The following RABGAP1L variants were observed in gnomAD, a reference collection of about 807,000 sequenced individuals.
RABGAP1L encodes the protein RAB GTPase activating protein 1 like.
Under a neutral mutation model 137.7 loss-of-function variants are expected in RABGAP1L, and 63 were observed. The observed-to-expected ratio is 0.46, with a 90% CI of 0.37 to 0.56. The LOEUF is 0.56. RABGAP1L is among the 20% of genes least tolerant of loss of function. The probability of loss-of-function intolerance (pLI) is 0.00; values close to 1 mark genes in which losing one functional copy is unlikely to be tolerated. For missense variants in RABGAP1L, 1,095 were observed against 1,244.0 expected, an observed-to-expected ratio of 0.88 and a Z score of 1.80; for synonymous variants, 431 against 433.7, an observed-to-expected ratio of 0.99 and a Z score of 0.08.
At chr1:174,530,798 CAT>C (rs1664324575) in intron 13 of RABGAP1L, among the ~76,000 whole-genome samples, 1 of 119,146 alleles carries the variant, frequency 8.4e-6, no homozygotes, top group Non-Finnish European at 1.8e-5. Flanking sequence ...TTTATACATA[CAT>C]ACATACATAC....
intron 19 of RABGAP1L, among the ~76,000 whole-genome samples, chr1:174,871,397 G>A (rs1173505483): frequency 6.6e-6 from 1 of 152,144 alleles, no homozygotes; most frequent in African/African-American, 2.4e-5. Context: ...CTCCCAAAGT[G>A]CTGAGATTAC....
chr1:174,231,753 G>A (rs1284133966), intron 4 of RABGAP1L, among the ~76,000 whole-genome samples: 1 of 152,072 alleles, frequency 6.6e-6, no homozygotes, highest in Non-Finnish European at 1.5e-5. Flanking sequence ...GCAGGAGCAG[G>A]AGCAAGAGCG....
At chr1:174,864,977 T>A (rs1457880908) in intron 19 of RABGAP1L, among the ~76,000 whole-genome samples, 1 of 151,972 alleles carries the variant, frequency 6.6e-6, no homozygotes, top group African/African-American at 2.4e-5. Flanking sequence ...ATTAGCTGGA[T>A]GTGGTGGCAC....
At chr1:174,706,646 C>T (rs1045751613) in intron 17 of RABGAP1L, among the ~76,000 whole-genome samples, 1 of 152,050 alleles carries the variant, frequency 6.6e-6, no homozygotes, top group African/African-American at 2.4e-5. Context: ...AAAAAATGGA[C>T]ATAACGAAGT....
At chr1:174,449,615 T>C (rs1363023671) in intron 13 of RABGAP1L, among the ~76,000 whole-genome samples, 6 of 152,232 alleles carry the variant, frequency 3.9e-5, no homozygotes, top group African/African-American at 1.4e-4. Flanking sequence ...CTGCCCTTTG[T>C]AGAAAAGTGC....
chr1:174,731,291 G>A (rs572131190), intron 17 of RABGAP1L, among the ~76,000 whole-genome samples: 10 of 152,210 alleles, frequency 6.6e-5, no homozygotes, highest in African/African-American at 2.4e-4. Context: ...ATTTTATCTG[G>A]TGTAGCCCAG....
At chr1:174,870,827 T>A (rs985720604) in intron 19 of RABGAP1L, among the ~76,000 whole-genome samples, 1 of 151,692 alleles carries the variant, frequency 6.6e-6, no homozygotes, top group Non-Finnish European at 1.5e-5. Flanking sequence ...AAGCTCCACC[T>A]TCCAGGCTCA....
chr1:174,673,746 A>T (rs542749748), intron 14 of RABGAP1L, among the ~76,000 whole-genome samples: 1 of 152,198 alleles, frequency 6.6e-6, no homozygotes, highest in Admixed American at 6.5e-5. Context: ...TAAAAGATGC[A>T]TATGTGGTAC....
At chr1:174,755,910 T>C (rs1264778118) in intron 18 of RABGAP1L, among the ~76,000 whole-genome samples, 1 of 152,222 alleles carries the variant, frequency 6.6e-6, no homozygotes, top group African/African-American at 2.4e-5. Context: ...CATGTGGACA[T>C]TGGAGTCAGA....
At chr1:174,415,738 A>C (rs1650473952) in intron 13 of RABGAP1L, among the ~76,000 whole-genome samples, 1 of 151,996 alleles carries the variant, frequency 6.6e-6, no homozygotes, top group South Asian at 2.1e-4. Context: ...AGATATTCTA[A>C]GTAAGGCTCC....
intron 11 of RABGAP1L, among the ~76,000 whole-genome samples, chr1:174,315,957 A>G (rs550172154): frequency 4.0e-5 from 6 of 151,844 alleles, no homozygotes; most frequent in African/African-American, 1.4e-4. Flanking sequence ...CTCTGACTGT[A>G]TTTTCATATA....
At chr1:174,636,139 A>C (rs983685989) in intron 13 of RABGAP1L, among the ~76,000 whole-genome samples, 1 of 152,208 alleles carries the variant, frequency 6.6e-6, no homozygotes, top group Non-Finnish European at 1.5e-5. Context: ...AAATAAAATC[A>C]AGAGAATGTT....
intron 24 of RABGAP1L, 65 bp from the exon 25 acceptor site, chr1:174,988,576 T>A (rs925067778): frequency 4.6e-5 from 61 of 1,317,414 alleles, no homozygotes; most frequent in Middle Eastern, 1.9e-4. Flanking sequence ...AGTCATAAAT[T>A]GTTTCAGAAG....
chr1:174,278,669 C>G lies in RABGAP1L; in HGVS notation c.1213C>G (p.Pro405Ala). 1 of 1,613,302 alleles carries G rather than the reference C, an allele frequency of 6.2e-7. No homozygotes were observed. Among genetic ancestry groups the G allele is most frequent in the Non-Finnish European group, 8.5e-7 (1 of 1,179,656 alleles). ...TATGGTAGTCACAGAGGTGGTGGAG[C>G]CTGTTCGCTTTCTCCTGGAGACAGT... ...VDMVVTEVVE[P>A]VRFLLETVVR... Residue 405 changes from proline to alanine, a missense_variant, in exon 10 of 26, where the codon CCT (proline) becomes GCT (alanine). By Grantham distance (27) the Pro-to-Ala change is conservative. Transcript: ENST00000681986.
chr1:174,895,599 C>A (rs190519137), intron 19 of RABGAP1L, among the ~76,000 whole-genome samples: 1 of 152,070 alleles, frequency 6.6e-6, no homozygotes, highest in East Asian at 1.9e-4. Flanking sequence ...CCACTCCCCC[C>A]ACCCCATGAC....
At chr1:174,886,208 C>T (rs541221450) in intron 19 of RABGAP1L, among the ~76,000 whole-genome samples, 1 of 152,036 alleles carries the variant, frequency 6.6e-6, no homozygotes, top group Non-Finnish European at 1.5e-5. Context: ...GAGAGGGTTT[C>T]TCCCTGTTGG....
At chr1:174,192,457 G>A (rs1667280838) in intron 1 of RABGAP1L, among the ~76,000 whole-genome samples, 1 of 151,688 alleles carries the variant, frequency 6.6e-6, no homozygotes. Context: ...CAAGTAGCTG[G>A]GATTATAGGC....
At chr1:174,312,576 C>T (rs1678960484) in intron 11 of RABGAP1L, among the ~76,000 whole-genome samples, 1 of 152,084 alleles carries the variant, frequency 6.6e-6, no homozygotes, top group South Asian at 2.1e-4. Context: ...TTAATTGCAT[C>T]CTTTGCTGTG....
At chr1:174,208,383 T>C (rs1668644274) in intron 1 of RABGAP1L, among the ~76,000 whole-genome samples, 1 of 152,164 alleles carries the variant, frequency 6.6e-6, no homozygotes, top group Admixed American at 6.5e-5. Flanking sequence ...CTTCCAATCT[T>C]AGGGGGAAAG....
Sources: gnomAD v4.1 joint callset for allele counts (sites outside exome capture counted in the v4.1 genomes callset) on GRCh38, gnomAD v4.1.1 for gene constraint, MANE v1.5 for transcripts, NCBI Gene and HGNC (gene_info 2026-07-23, HGNC 2026-07-21) for gene names.